The following CASK variants were observed in gnomAD, a reference collection of about 807,000 sequenced individuals.
CASK encodes peripheral plasma membrane protein CASK.
Under a neutral mutation model 82.9 loss-of-function variants are expected in CASK, and 4 were observed. The observed-to-expected ratio is 0.05, with a 90% CI of 0.02 to 0.11. CASK has a LOEUF of 0.11. Ranked by LOEUF, CASK falls within the 10% of genes least tolerant of loss-of-function variation. The probability of loss-of-function intolerance (pLI) is 1.00; values close to 1 mark genes in which losing one functional copy is unlikely to be tolerated. For synonymous variants in CASK, 259 were observed against 253.5 expected, an observed-to-expected ratio of 1.02 and a Z score of -0.20; for missense variants, 358 against 720.9, an observed-to-expected ratio of 0.50 and a Z score of 5.76.
chrX:41,746,757 T>G lies in CASK; in HGVS notation c.279-1156A>C, dbSNP rs1044127195. On this transcript the variant is annotated intron_variant, in intron 3 of 26. Transcript: ENST00000378163. The stretch of plus-strand genomic sequence containing the variant: ...AGGGAAAGTAAAGGAACTAACATAC[T>G]TCCTATTCATGAGGCATCATAGGAA... Among the ~76,000 whole-genome samples the G allele has an allele frequency of 2.7e-5, 3 of 111,826 alleles. No individual in the cohort carries two copies. In the East Asian group the frequency reaches 8.4e-4, roughly 31 times the overall value.
At chrX:41,672,671 C>T (rs1056280695) in intron 5 of CASK, among the ~76,000 whole-genome samples, 2 of 111,809 alleles carry the variant, frequency 1.8e-5, no homozygotes, top group Non-Finnish European at 3.8e-5. Context: ...CCAATGGGAG[C>T]ATCAGGATTC....
intron 11 of CASK, among the ~76,000 whole-genome samples, chrX:41,612,497 C>T (rs1437617721): frequency 7.6e-5 from 8 of 105,224 alleles, no homozygotes; most frequent in South Asian, 8.8e-4. Flanking sequence ...GGAGCGTCTC[C>T]GCCCGGCAGC....
chrX:41,855,748 G>A (rs575440232), intron 1 of CASK, among the ~76,000 whole-genome samples: 3 of 111,931 alleles, frequency 2.7e-5, no homozygotes, highest in Admixed American at 1.9e-4. Flanking sequence ...GTTATAAGCC[G>A]TCATCATAAA....
At chrX:41,850,389 C>T (rs1038509592) in intron 2 of CASK, among the ~76,000 whole-genome samples, 1 of 110,183 alleles carries the variant, frequency 9.1e-6, no homozygotes, top group African/African-American at 3.3e-5. Flanking sequence ...ACCTATTTCA[C>T]TCAATAATGT....
chrX:41,541,182 T>G (rs890577568), intron 22 of CASK, among the ~76,000 whole-genome samples: 7 of 112,357 alleles, frequency 6.2e-5, no homozygotes, highest in Non-Finnish European at 1.3e-4. Flanking sequence ...CCACTGACGT[T>G]TTGTGTGAAG....
At chrX:41,768,270 T>C (rs964176650) in intron 3 of CASK, among the ~76,000 whole-genome samples, 4 of 111,136 alleles carry the variant, frequency 3.6e-5, no homozygotes, top group African/African-American at 1.3e-4. Flanking sequence ...TTTATAATCA[T>C]TTTTCCGAGG....
At chrX:41,568,426 C>T (rs1344918851) in intron 16 of CASK, among the ~76,000 whole-genome samples, 1 of 110,668 alleles carries the variant, frequency 9.0e-6, no homozygotes, top group Admixed American at 9.6e-5. Context: ...TGATGCCAGA[C>T]ATCATGTTGT....
intron 12 of CASK, among the ~76,000 whole-genome samples, chrX:41,594,730 C>T (rs141926598): frequency 0.037 from 4,074 of 111,492 alleles, 191 homozygotes; most frequent in African/African-American, 0.13. Flanking sequence ...CCCAGGAGGA[C>T]AAGAGGACTC....
chrX:41,606,109 T>G (rs993423389), intron 12 of CASK, among the ~76,000 whole-genome samples: 3 of 112,668 alleles, frequency 2.7e-5, no homozygotes, highest in African/African-American at 9.7e-5. Context: ...GGCAGTCACT[T>G]GAATTCTTCA....
In CASK at chrX:41,604,507, G is replaced by A. The variant is rs150880199; in HGVS notation, c.1155+5397C>T. Reference sequence around the variant, plus strand: ...CCAGAAACTGGAAAAGACAAGGAAGGATTCTTCCCTGGATCCTTTGGAGGG... The same window carrying A: ...CCAGAAACTGGAAAAGACAAGGAAGAATTCTTCCCTGGATCCTTTGGAGGG... On this transcript the variant is annotated intron_variant, in intron 12 of 26. Coordinates refer to ENST00000378163, the MANE Select transcript of CASK (RefSeq NM_001367721.1). 5.2e-3 allele frequency among the ~76,000 whole-genome samples: 560 copies of A among 108,219 alleles called. 2 individuals carry two copies. Among genetic ancestry groups the A allele is most frequent in the South Asian group, 0.012 (29 of 2,331 alleles). The allele number at this position is 108,219 out of a possible 115,157, so 94.0% of individuals were successfully genotyped here.
rs768231249 is a variant in CASK, at chrX:41,528,897, C to T, written c.2520+2110G>A. ...GAGAAGCCCGAGAGTGAAGCCCAGTCGGTGCAGACTGCGGGCATTCTCAGC... is the reference window on the plus strand; with the variant it reads ...GAGAAGCCCGAGAGTGAAGCCCAGTTGGTGCAGACTGCGGGCATTCTCAGC... On this transcript the variant is annotated intron_variant, in intron 25 of 26. Transcript: ENST00000378163. 8.0e-5 allele frequency among the ~76,000 whole-genome samples: 9 copies of T among 112,173 alleles called. No homozygotes were observed. In the South Asian group the frequency reaches 1.9e-3, roughly 23 times the overall value.
At chrX:41,684,621 C>CAA (rs1339248264) in intron 5 of CASK, among the ~76,000 whole-genome samples, 1 of 111,193 alleles carries the variant, frequency 9.0e-6, no homozygotes, top group Admixed American at 9.6e-5. Flanking sequence ...CTCAGCCTCC[C>CAA]AAGTAGCTAG....
intron 3 of CASK, among the ~76,000 whole-genome samples, chrX:41,759,208 T>C (rs765274392): frequency 1.8e-5 from 2 of 112,025 alleles, no homozygotes; most frequent in Non-Finnish European, 3.8e-5. Flanking sequence ...GTTTGTAGTA[T>C]TTTTGTTGTA....
At chrX:41,735,036 AAAAGT>A (rs1345417565) in intron 5 of CASK, among the ~76,000 whole-genome samples, 1 of 111,445 alleles carries the variant, frequency 9.0e-6, no homozygotes, top group Non-Finnish European at 1.9e-5. Flanking sequence ...CCTTTTGTAA[AAAAGT>A]AAAGAAAAAA....
chrX:41,552,225 C>A (rs2065110327), intron 21 of CASK, among the ~76,000 whole-genome samples: 1 of 110,399 alleles, frequency 9.1e-6, no homozygotes, highest in Non-Finnish European at 1.9e-5. Context: ...GTGTGAGCCA[C>A]CATGCCTGGC....
intron 5 of CASK, among the ~76,000 whole-genome samples, chrX:41,725,539 G>C (rs1403597999): frequency 1.8e-5 from 2 of 111,585 alleles, no homozygotes; most frequent in African/African-American, 6.5e-5. Context: ...GAAGAACACA[G>C]AGAATATGGC....
At chrX:41,591,855 AC>A (rs1449896307) in intron 12 of CASK, among the ~76,000 whole-genome samples, 1 of 111,893 alleles carries the variant, frequency 8.9e-6, no homozygotes, top group African/African-American at 3.2e-5. Context: ...TTAAAAAAAT[AC>A]ATAACACTTT....
chrX:41,812,563 A>G (rs1418905932), intron 2 of CASK, among the ~76,000 whole-genome samples: 1 of 111,648 alleles, frequency 9.0e-6, no homozygotes, highest in Non-Finnish European at 1.9e-5. Context: ...AAAACTCTCA[A>G]TAAATTAGGT....
At chrX:41,550,750 A>T (rs1247742336) in intron 21 of CASK, among the ~76,000 whole-genome samples, 2 of 108,842 alleles carry the variant, frequency 1.8e-5, no homozygotes, top group Non-Finnish European at 3.8e-5. Context: ...AAAAAAAAGA[A>T]AAAGAAAAAA....
Sources: allele counts gnomAD v4.1 joint callset (sites outside exome capture counted in the v4.1 genomes callset), GRCh38; gene constraint gnomAD v4.1.1; transcripts MANE v1.5; gene names NCBI Gene and HGNC (gene_info 2026-07-23, HGNC 2026-07-21).